The following HECTD4 variants were observed in gnomAD, a reference collection of about 807,000 sequenced individuals.
HECTD4 encodes probable E3 ubiquitin-protein ligase HECTD4.
In HECTD4, 114 loss-of-function variants were observed where a neutral mutation model predicts 471.5. The observed-to-expected ratio is 0.24, with a 90% confidence interval of 0.21 to 0.28. The LOEUF is 0.28. Among genes scored for constraint, HECTD4 ranks in the 10% least tolerant of loss-of-function variants. The pLI, the probability that HECTD4 is intolerant of heterozygous loss-of-function variation, is 1.00. For missense variants in HECTD4, 3,866 were observed against 5,651.5 expected (o/e 0.68, Z 10.13); for synonymous variants, 2,012 against 2,256.0 (o/e 0.89, Z 3.07).
rs2135598186 is a variant in HECTD4 at position 112,259,176 on chromosome 12, T to C, written c.2963A>G (p.Gln988Arg). ...CAGGGCATCCGCCATGATCAGAGTC[T>C]GTAAATTTGGATGCATCAAGGAGGT... ...LLTSLMHPNL[Q>R]TLIMADALMP... Residue 988 changes from glutamine to arginine, a missense_variant, in exon 19 of 76, where the codon CAG becomes CGG. Physicochemically the swap from Gln to Arg is conservative, Grantham distance 43. Around this residue, in one of 16 missense-constraint regions of HECTD4, gnomAD observed 525 missense variants for 672.6 expected, o/e 0.78. Transcript: ENST00000682272. The C allele has an allele frequency of 1.2e-6, 2 of 1,613,964 alleles. No homozygotes were observed. The highest frequency in any genetic ancestry group is 1.7e-5 in the Admixed American group (1 of 60,008).
Position 112,250,388 on chromosome 12 carries a change from A to G in HECTD4, c.3717-11T>C. On this transcript the variant is annotated splice_polypyrimidine_tract_variant and intron_variant, in intron 24 of 75. Transcript: ENST00000682272. ...ACCTGCCACTGGCACCTGAGCAGAC[A>G]GAAAAGAGGCTCTTCACTTCCTCTC... 1 of 1,593,932 alleles carries G rather than the reference A, an allele frequency of 6.3e-7. No homozygotes were observed. The highest frequency in any genetic ancestry group is 2.2e-5 in the East Asian group (1 of 44,766).
intron 7 of HECTD4, among the ~76,000 whole-genome samples, chr12:112,293,894 T>G (rs1165911233): frequency 6.6e-6 from 1 of 152,104 alleles, no homozygotes; most frequent in Non-Finnish European, 1.5e-5. Context: ...AATACTTAGT[T>G]TTCTTTCTTT....
In HECTD4 at chr12:112,162,626, C is replaced by T. The variant is rs1349389659; in HGVS notation, c.13121-103G>A. ...TTCCAGGTTTGCCTCCTTGGGTAGCCCCAAGCCAATCCTGGGGCCCAGCAG... is the reference window on the plus strand; with the variant it reads ...TTCCAGGTTTGCCTCCTTGGGTAGCTCCAAGCCAATCCTGGGGCCCAGCAG... On this transcript the variant is annotated intron_variant, in intron 75 of 75. Transcript: ENST00000682272. The surrounding 1 kb of genome is among the most constrained non-coding windows in gnomAD (Gnocchi z 5.2). The T allele has an allele frequency of 1.4e-6, 2 of 1,414,956 alleles. No homozygotes were observed. Among genetic ancestry groups the T allele is most frequent in the African/African-American group, 2.8e-5 (2 of 70,464 alleles). The allele number at this position is 1,414,956 out of a possible 1,614,324, so 87.7% of individuals were successfully genotyped here.
At chr12:112,200,557 G>A (rs1047817523) in intron 55 of HECTD4, 81 bp downstream of exon 55, 1 of 1,416,278 alleles carries the variant, frequency 7.1e-7, no homozygotes, top group Non-Finnish European at 9.6e-7. Context: ...TTCTTGCTGA[G>A]GATAAATGGT....
At position 112,172,691 on chromosome 12, in the gene HECTD4, G is replaced by T; in HGVS notation, c.11765C>A (p.Pro3922His). Residue 3922 changes from proline to histidine, a missense_variant, in exon 67 of 76, where the codon CCC (proline) becomes CAC (histidine). By Grantham distance (77) the Pro-to-His change is moderately conservative. Transcript: ENST00000682272. ...CATACTCAGGAGACAGGCCACTCTG[G>T]GGTCAGCAGCATCCGCGGGGTCCAG... The part of the protein sequence containing the change: ...VYLDPADAAD[P>H]RVACLLNVPI... 1 of 1,613,988 alleles carries T rather than the reference G, an allele frequency of 6.2e-7. No homozygotes were observed. Among genetic ancestry groups the T allele is most frequent in the Non-Finnish European group, 8.5e-7 (1 of 1,179,882 alleles).
intron 34 of HECTD4, among the ~76,000 whole-genome samples, chr12:112,238,735 T>C (rs1315993040): frequency 6.6e-6 from 1 of 151,916 alleles, no homozygotes; most frequent in Non-Finnish European, 1.5e-5. Context: ...TCTAATAAAT[T>C]TTTTTTAATT....
At position 112,173,717 on chromosome 12, in the gene HECTD4, G is replaced by A. The variant is rs1236132483; in HGVS notation, c.11595-856C>T. 1.3e-5 allele frequency among the ~76,000 whole-genome samples: 2 copies of A among 151,648 alleles called. No homozygotes were observed. Among genetic ancestry groups the A allele is most frequent in the Non-Finnish European group, 2.9e-5 (2 of 67,950 alleles). On this transcript the variant is annotated intron_variant, in intron 66 of 75. Transcript: ENST00000682272. This position sits in a 1 kb window ranked among gnomAD's most constrained non-coding sequence, Gnocchi z 4.3. The stretch of plus-strand genomic sequence containing the variant: ...CCAATTTTTAATTTTTTTTTGTAGA[G>A]ATGGGGTCTCGTTGTGTTGCCCAGG...
chr12:112,267,832 T>A (rs953111882), intron 13 of HECTD4, among the ~76,000 whole-genome samples: 1 of 152,178 alleles, frequency 6.6e-6, no homozygotes, highest in South Asian at 2.1e-4. Context: ...GTGTGTGTTT[T>A]AGACAGGATC....
At chr12:112,234,664 C>T (rs1483241273) in intron 37 of HECTD4, among the ~76,000 whole-genome samples, 1 of 152,224 alleles carries the variant, frequency 6.6e-6, no homozygotes, top group African/African-American at 2.4e-5. Flanking sequence ...TCTCTTGTTT[C>T]TCCAACTCAC....
At chr12:112,226,783 T>A (rs2033250215) in intron 43 of HECTD4, 25 bp from the exon 44 acceptor site, 1 of 1,525,562 alleles carries the variant, frequency 6.6e-7, no homozygotes, top group Admixed American at 1.7e-5. Context: ...ATTTACAATA[T>A]TTCAAAGTCA....
chr12:112,332,829 A>G (rs1413578258), intron 1 of HECTD4, among the ~76,000 whole-genome samples: 2 of 151,564 alleles, frequency 1.3e-5, no homozygotes, highest in Non-Finnish European at 1.5e-5. Flanking sequence ...AAAAACAAAA[A>G]TCCTGAACCC....
chr12:112,237,780 G>A (rs993548292), intron 34 of HECTD4, among the ~76,000 whole-genome samples: 2 of 150,110 alleles, frequency 1.3e-5, no homozygotes, highest in Non-Finnish European at 3.0e-5. Flanking sequence ...TTGAGATGGA[G>A]TTTTGCTCTT....
At chr12:112,263,722 TATACACAC>T (rs1566091603) in intron 17 of HECTD4, among the ~76,000 whole-genome samples, 1 of 148,094 alleles carries the variant, frequency 6.8e-6, no homozygotes, top group South Asian at 2.3e-4. Flanking sequence ...TATATATATA[TATACACAC>T]ACACACACAC....
chr12:112,184,632 T>A lies in HECTD4; in HGVS notation c.10334A>T (p.Lys3445Ile), dbSNP rs2031794596. 6.2e-7 allele frequency: 1 copy of A among 1,613,762 alleles called. No homozygotes were observed. The change falls in exon 61 of 76, where the codon AAA (lysine) becomes ATA (isoleucine). Residue 3445 changes from lysine to isoleucine, a missense_variant. By Grantham distance (102) the Lys-to-Ile change is moderately radical. This residue lies in a region of HECTD4 where 71 missense variants were observed against 144.5 expected (regional missense o/e 0.49). Transcript: ENST00000682272. This position sits in a 1 kb window ranked among gnomAD's most constrained non-coding sequence, Gnocchi z 9.1. ...PLQEEDTKKP[K>I]DKAEGGDGKV... ...CCCGTCCCCGCCCTCGGCCTTGTCT[T>A]TTGGCTTCTTGGTGTCTTCTTCCTG...
chr12:112,259,311 C>T (rs2034092281), intron 18 of HECTD4, 46 bp from the exon 19 acceptor site: 2 of 1,599,566 alleles, frequency 1.3e-6, no homozygotes, highest in Non-Finnish European at 1.7e-6. Context: ...AATGCCCAAA[C>T]ATGTGAAGAA....
intron 64 of HECTD4, 109 bp from the exon 65 acceptor site, chr12:112,176,811 C>T: frequency 1.0e-5 from 9 of 883,080 alleles, no homozygotes; most frequent in South Asian, 8.7e-5. Flanking sequence ...CAACTTAGGG[C>T]TTAGGGCTCA....
In HECTD4 at chr12:112,239,039, T is replaced by C. The variant is rs1281806842; in HGVS notation, c.5290+13A>G. 1.9e-6 allele frequency: 3 copies of C among 1,601,836 alleles called. No individual in the cohort carries two copies. Among genetic ancestry groups the C allele is most frequent in the South Asian group, 1.1e-5 (1 of 88,756 alleles). On this transcript the variant is annotated intron_variant, in intron 34 of 75. Coordinates refer to ENST00000682272, the MANE Select transcript of HECTD4 (RefSeq NM_001388303.1). This position sits in a 1 kb window ranked among gnomAD's most constrained non-coding sequence, Gnocchi z 4.9. Reference sequence around the variant, plus strand: ...GAAATCAGTGAGCTCTAGAAAGGAGTCTGGCATCTCACCTTCCTCTTTTTC... The same window carrying C: ...GAAATCAGTGAGCTCTAGAAAGGAGCCTGGCATCTCACCTTCCTCTTTTTC...
intron 2 of HECTD4, among the ~76,000 whole-genome samples, chr12:112,316,368 T>C (rs2035479145): frequency 6.6e-6 from 1 of 152,104 alleles, no homozygotes; most frequent in African/African-American, 2.4e-5. Context: ...TCAAAATATC[T>C]CTCTGTCTTT....
chr12:112,355,016 G>A (rs1039813385), intron 1 of HECTD4, among the ~76,000 whole-genome samples: 1 of 150,892 alleles, frequency 6.6e-6, no homozygotes, highest in African/African-American at 2.4e-5. Context: ...AGTCTTGCTG[G>A]GTCACCCAGG....
Sources: gnomAD v4.1 joint callset for allele counts (sites outside exome capture counted in the v4.1 genomes callset) on GRCh38, gnomAD v4.1.1 for gene constraint, gnomAD v4.1.1 regional missense constraint, Gnocchi (gnomAD v3.1) non-coding constraint, MANE v1.5 for transcripts, NCBI Gene and HGNC (gene_info 2026-07-23, HGNC 2026-07-21) for gene names.